The following DENND4C variants were observed in gnomAD, a reference collection of about 807,000 sequenced individuals.
DENND4C encodes the protein DENN domain-containing protein 4C.
Under a neutral mutation model 203.0 loss-of-function variants are expected in DENND4C, and 108 were observed. That is an observed-to-expected ratio of 0.53 (90% confidence interval 0.46 to 0.62). DENND4C has a LOEUF of 0.62. DENND4C is among the 20% of genes least tolerant of loss of function. The pLI is 0.00. For synonymous variants in DENND4C, 871 were observed against 792.4 expected (o/e 1.10, Z -1.67); for missense variants, 2,481 against 2,301.2 (o/e 1.08, Z -1.60).
At chr9:19,237,444 C>T (rs757164083) in intron 1 of DENND4C, among the ~76,000 whole-genome samples, 4 of 151,396 alleles carry the variant, frequency 2.6e-5, no homozygotes, top group Non-Finnish European at 5.9e-5. Flanking sequence ...CTCCGCATCC[C>T]GAGTTCAAGC....
chr9:19,370,122 A>C (rs1828515889), intron 31 of DENND4C, 135 bp downstream of exon 31: 18 of 1,058,998 alleles, frequency 1.7e-5, no homozygotes, highest in Non-Finnish European at 2.0e-5. Flanking sequence ...TTTAAGTGCT[A>C]CACAGATATA....
At chr9:19,362,002 A>G (rs1015331129) in intron 30 of DENND4C, 39 bp downstream of exon 30, 3 of 1,274,210 alleles carry the variant, frequency 2.4e-6, no homozygotes, top group Non-Finnish European at 3.4e-6. Context: ...AGCCAGGTGC[A>G]GTGGCTCGCA....
intron 1 of DENND4C, among the ~76,000 whole-genome samples, chr9:19,235,021 A>G (rs1821575174): frequency 6.6e-6 from 1 of 150,684 alleles, no homozygotes; most frequent in South Asian, 2.1e-4. Context: ...GAATGGTGCA[A>G]TGGGGTGATC....
chr9:19,264,465 C>T (rs971295596), intron 1 of DENND4C, among the ~76,000 whole-genome samples: 2 of 152,058 alleles, frequency 1.3e-5, no homozygotes, highest in Admixed American at 6.6e-5. Flanking sequence ...TGCCACCATG[C>T]CTGGCTAATT....
chr9:19,255,142 G>A (rs1282096309), intron 1 of DENND4C, among the ~76,000 whole-genome samples: 2 of 152,020 alleles, frequency 1.3e-5, no homozygotes, highest in African/African-American at 4.8e-5. Flanking sequence ...GCGAAACTCT[G>A]TCTCAGTCTC....
At chr9:19,235,277 T>G (rs572257952) in intron 1 of DENND4C, among the ~76,000 whole-genome samples, 1 of 152,222 alleles carries the variant, frequency 6.6e-6, no homozygotes, top group Non-Finnish European at 1.5e-5. Context: ...AAGTCGACTT[T>G]CTTTGAATTA....
intron 5 of DENND4C, chr9:19,292,562 T>G (rs1836575056): frequency 6.6e-6 from 1 of 150,494 alleles, no homozygotes; most frequent in African/African-American, 2.5e-5. Flanking sequence ...TTTTTTTTTT[T>G]GAGACGAAAC....
At chr9:19,311,890 A>G (rs75843793) in intron 10 of DENND4C, among the ~76,000 whole-genome samples, 2 of 152,204 alleles carry the variant, frequency 1.3e-5, no homozygotes, top group African/African-American at 4.8e-5. Context: ...ACATTTGTCA[A>G]AATTACAAAT....
chr9:19,361,151 CTG>C (rs1475533968), intron 29 of DENND4C, among the ~76,000 whole-genome samples: 6 of 152,344 alleles, frequency 3.9e-5, no homozygotes, highest in African/African-American at 1.2e-4. Flanking sequence ...GCGTGAGCGA[CTG>C]TGCCCGGCTG....
intron 5 of DENND4C, 32 bp downstream of exon 5, chr9:19,290,908 T>C: frequency 1.3e-6 from 2 of 1,578,766 alleles, no homozygotes; most frequent in Non-Finnish European, 8.6e-7. Context: ...TAAACACATT[T>C]TGTCCATGTT....
chr9:19,245,761 C>T (rs927563607), intron 1 of DENND4C, among the ~76,000 whole-genome samples: 6 of 151,500 alleles, frequency 4.0e-5, no homozygotes, highest in Admixed American at 6.6e-5. Context: ...AAGGCTGAGG[C>T]GGGAGAATCG....
intron 30 of DENND4C, among the ~76,000 whole-genome samples, chr9:19,365,122 A>C (rs1438584226): frequency 6.6e-6 from 1 of 152,208 alleles, no homozygotes; most frequent in Admixed American, 6.5e-5. Flanking sequence ...AAAAATCAGT[A>C]TCATTTAGTA....
At chr9:19,340,500 C>T (rs966191303) in intron 20 of DENND4C, among the ~76,000 whole-genome samples, 8 of 151,936 alleles carry the variant, frequency 5.3e-5, no homozygotes, top group African/African-American at 1.9e-4. Context: ...GAAGTGTATT[C>T]TATCTCCAAA....
chr9:19,340,721 T>C (rs1821429114), intron 20 of DENND4C, among the ~76,000 whole-genome samples: 1 of 152,206 alleles, frequency 6.6e-6, no homozygotes, highest in African/African-American at 2.4e-5. Context: ...CAAAAGAGAC[T>C]TCCAAACATC....
At chr9:19,348,354 G>A (rs1182615662) in intron 23 of DENND4C, among the ~76,000 whole-genome samples, 1 of 152,134 alleles carries the variant, frequency 6.6e-6, no homozygotes, top group African/African-American at 2.4e-5. Context: ...ATACCAAAGA[G>A]CAATATATGA....
At chr9:19,328,665 A>G (rs890918391) in intron 16 of DENND4C, among the ~76,000 whole-genome samples, 8 of 112,196 alleles carry the variant, frequency 7.1e-5, no homozygotes, top group African/African-American at 1.5e-4. Context: ...CTGTCTATCT[A>G]TCTATCTATC....
At chr9:19,284,313 T>C (rs1239574457) in intron 2 of DENND4C, among the ~76,000 whole-genome samples, 1 of 152,240 alleles carries the variant, frequency 6.6e-6, no homozygotes, top group Non-Finnish European at 1.5e-5. Context: ...TGTGTGTGAC[T>C]GTATAATACT....
intron 9 of DENND4C, among the ~76,000 whole-genome samples, chr9:19,301,952 C>T (rs920248814): frequency 6.6e-6 from 1 of 152,022 alleles, no homozygotes; most frequent in African/African-American, 2.4e-5. Context: ...AATAAGTTCC[C>T]ACCAAAATAT....
intron 2 of DENND4C, among the ~76,000 whole-genome samples, chr9:19,286,027 A>G (rs891732068): frequency 6.6e-6 from 1 of 152,208 alleles, no homozygotes; most frequent in Non-Finnish European, 1.5e-5. Context: ...TTGCTTTGAC[A>G]AGAAAAAACA....
Sources: allele counts gnomAD v4.1 joint callset (sites outside exome capture counted in the v4.1 genomes callset), GRCh38; gene constraint gnomAD v4.1.1; transcripts MANE v1.5; gene names NCBI Gene and HGNC (gene_info 2026-07-23, HGNC 2026-07-21).